Variants in SLC24A3 observed in about 807,000 individuals in gnomAD.
SLC24A3 encodes the protein sodium/potassium/calcium exchanger 3.
In SLC24A3, 28 loss-of-function variants were observed where a neutral mutation model predicts 75.8. The observed-to-expected ratio is 0.37, with a 90% confidence interval of 0.27 to 0.51. SLC24A3 has a LOEUF of 0.51. SLC24A3 is among the 20% of genes least tolerant of loss of function. The pLI, the probability that SLC24A3 is intolerant of heterozygous loss-of-function variation, is 0.94. For synonymous variants in SLC24A3, 372 were observed against 334.1 expected (o/e 1.11, Z -1.24); for missense variants, 663 against 847.8 (o/e 0.78, Z 2.71).
intron 8 of SLC24A3, among the ~76,000 whole-genome samples, chr20:19,669,625 C>T (rs2032442682): frequency 6.6e-6 from 1 of 152,090 alleles, no homozygotes; most frequent in Non-Finnish European, 1.5e-5. Flanking sequence ...GTCTGAAGGC[C>T]CAACAAGAAA....
chr20:19,503,424 A>G (rs1442812362), intron 2 of SLC24A3, among the ~76,000 whole-genome samples: 1 of 152,228 alleles, frequency 6.6e-6, no homozygotes, highest in Non-Finnish European at 1.5e-5. Context: ...TGATATTTGG[A>G]ATCTAAACTT....
intron 2 of SLC24A3, among the ~76,000 whole-genome samples, chr20:19,453,119 G>T (rs1023077918): frequency 6.6e-6 from 1 of 152,178 alleles, no homozygotes; most frequent in African/African-American, 2.4e-5. Flanking sequence ...GGCAGAGGTT[G>T]CAGTGACCCG....
chr20:19,678,770 C>A (rs1251737820), intron 9 of SLC24A3, among the ~76,000 whole-genome samples: 3 of 150,524 alleles, frequency 2.0e-5, no homozygotes, highest in Admixed American at 2.0e-4. Context: ...GGCGGAGGGG[C>A]TCCTCACTTC....
intron 6 of SLC24A3, among the ~76,000 whole-genome samples, chr20:19,597,370 G>A (rs2031464838): frequency 6.6e-6 from 1 of 152,090 alleles, no homozygotes; most frequent in Non-Finnish European, 1.5e-5. Flanking sequence ...CTGGGCAACA[G>A]AGTGAAATAA....
chr20:19,681,023 A>G (rs762186106), intron 9 of SLC24A3, among the ~76,000 whole-genome samples: 10 of 152,144 alleles, frequency 6.6e-5, no homozygotes, highest in Non-Finnish European at 1.5e-4. Flanking sequence ...CTTTTGTGAC[A>G]TGGAAACTGT....
chr20:19,495,722 A>G (rs1282800218), intron 2 of SLC24A3, among the ~76,000 whole-genome samples: 1 of 152,196 alleles, frequency 6.6e-6, no homozygotes, highest in Non-Finnish European at 1.5e-5. Flanking sequence ...CCTTTTCTCT[A>G]GAACTTCCCT....
At chr20:19,373,225 C>T (rs560824349) in intron 2 of SLC24A3, among the ~76,000 whole-genome samples, 10 of 152,070 alleles carry the variant, frequency 6.6e-5, no homozygotes, top group African/African-American at 1.2e-4. Flanking sequence ...AGAGATGATC[C>T]GATTTCTGCA....
chr20:19,390,588 A>G (rs1986349364), intron 2 of SLC24A3, among the ~76,000 whole-genome samples: 1 of 151,968 alleles, frequency 6.6e-6, no homozygotes, highest in Admixed American at 6.5e-5. Context: ...GTGATGATCT[A>G]CAGGGCAGAA....
intron 2 of SLC24A3, among the ~76,000 whole-genome samples, chr20:19,361,324 T>C (rs1308241180): frequency 1.3e-5 from 2 of 152,234 alleles, no homozygotes; most frequent in Non-Finnish European, 2.9e-5. Flanking sequence ...TCCAGTTTCC[T>C]GATAGTGGCT....
At chr20:19,418,112 A>T in intron 2 of SLC24A3, among the ~76,000 whole-genome samples, 1 of 152,224 alleles carries the variant, frequency 6.6e-6, no homozygotes, top group East Asian at 1.9e-4. Context: ...TCCTCACTCA[A>T]ATATGAAAAA....
At chr20:19,357,685 T>C (rs1167319611) in intron 2 of SLC24A3, among the ~76,000 whole-genome samples, 1 of 152,224 alleles carries the variant, frequency 6.6e-6, no homozygotes, top group Non-Finnish European at 1.5e-5. Context: ...TGTCCTGAAA[T>C]TGGAGATACA....
At chr20:19,532,929 T>C (rs572539781) in intron 3 of SLC24A3, among the ~76,000 whole-genome samples, 1 of 152,322 alleles carries the variant, frequency 6.6e-6, no homozygotes, top group East Asian at 1.9e-4. Flanking sequence ...GAGACGCTGA[T>C]CAAGCAGACA....
In SLC24A3 at chr20:19,647,245, C is replaced by T. The variant is rs35350438; in HGVS notation, c.613-6817C>T. 8.5e-3 allele frequency among the ~76,000 whole-genome samples: 1,287 copies of T among 152,266 alleles called. 10 individuals are homozygous for T. The highest frequency in any genetic ancestry group is 0.014 in the Non-Finnish European group (944 of 68,010). On this transcript the variant is annotated intron_variant, in intron 6 of 16. Coordinates refer to ENST00000328041, the MANE Select transcript of SLC24A3 (RefSeq NM_020689.4). ...ACTGCCATGACTTGGTTATTATCTT[C>T]CTTCCACCGCCTGCCTCACTTCCCC...
chr20:19,346,436 G>GTA lies in SLC24A3; in HGVS notation c.271+65356_271+65357dup, dbSNP rs1985431802. On this transcript the variant is annotated intron_variant, in intron 2 of 16. Coordinates refer to ENST00000328041, the MANE Select transcript of SLC24A3 (RefSeq NM_020689.4). ...TATATATGGTGTGTGTATATATGGTGTATATATACACACACCATATACCAT... is the reference window on the plus strand; with the variant it reads ...TATATATGGTGTGTGTATATATGGTGTATATATATACACACACCATATACCAT... Among the ~76,000 whole-genome samples the GTA allele has an allele frequency of 2.0e-5, 3 of 147,382 alleles. No individual in the cohort carries two copies. In the Admixed American group the frequency reaches 2.1e-4, roughly 10 times the overall value.
At chr20:19,215,118 A>G (rs1472160117) in intron 1 of SLC24A3, among the ~76,000 whole-genome samples, 7 of 152,188 alleles carry the variant, frequency 4.6e-5, no homozygotes, top group Non-Finnish European at 8.8e-5. Flanking sequence ...AATTTTTAAC[A>G]TATTAATTAA....
At chr20:19,304,464 T>C (rs1401151075) in intron 2 of SLC24A3, among the ~76,000 whole-genome samples, 1 of 152,142 alleles carries the variant, frequency 6.6e-6, no homozygotes, top group Admixed American at 6.5e-5. Flanking sequence ...AGACGTTCCA[T>C]CTCATTTCCT....
chr20:19,292,472 T>C (rs6035276), intron 2 of SLC24A3, among the ~76,000 whole-genome samples: 54,741 of 152,060 alleles, frequency 0.36, 10,170 homozygotes, highest in Middle Eastern at 0.55. Flanking sequence ...GCCAGTCACA[T>C]GAACAGCCTG....
chr20:19,487,249 G>C (rs1443180811), intron 2 of SLC24A3, among the ~76,000 whole-genome samples: 1 of 152,120 alleles, frequency 6.6e-6, no homozygotes, highest in Non-Finnish European at 1.5e-5. Flanking sequence ...GATAAGGAAG[G>C]ACTCAGAGGC....
chr20:19,309,931 C>T (rs1003829621), intron 2 of SLC24A3, among the ~76,000 whole-genome samples: 1 of 152,088 alleles, frequency 6.6e-6, no homozygotes, highest in Non-Finnish European at 1.5e-5. Flanking sequence ...TGGGACAGGT[C>T]AGGGCGGCAA....
Sources: allele counts gnomAD v4.1 joint callset (sites outside exome capture counted in the v4.1 genomes callset), GRCh38; gene constraint gnomAD v4.1.1; transcripts MANE v1.5; gene names NCBI Gene and HGNC (gene_info 2026-07-23, HGNC 2026-07-21).